The following NOL10 variants were observed in gnomAD, a reference collection of about 807,000 sequenced individuals.
The protein encoded by NOL10 is H_NH0074G24.1.
Under a neutral mutation model 103.5 loss-of-function variants are expected in NOL10, and 58 were observed. That is an observed-to-expected ratio of 0.56 (90% confidence interval 0.45 to 0.70). NOL10 has a LOEUF of 0.70. Among genes scored for constraint, NOL10 ranks in the 30% least tolerant of loss-of-function variants. NOL10 has a pLI of 0.00. For missense variants in NOL10, 763 were observed against 807.3 expected (o/e 0.95, Z 0.67); for synonymous variants, 287 against 282.5 (o/e 1.02, Z -0.16).
At chr2:10,625,471 T>C (rs1409215726) in intron 13 of NOL10, among the ~76,000 whole-genome samples, 1 of 152,204 alleles carries the variant, frequency 6.6e-6, no homozygotes, top group Non-Finnish European at 1.5e-5. Context: ...TGTACAGACA[T>C]GCAAGAAACA....
intron 17 of NOL10, among the ~76,000 whole-genome samples, chr2:10,591,983 C>G (rs1675414347): frequency 6.8e-6 from 1 of 146,378 alleles, no homozygotes; most frequent in South Asian, 2.1e-4. Context: ...GCCTGCGTAA[C>G]AGAGAGACCT....
At chr2:10,678,141 T>C (rs1365641641) in intron 3 of NOL10, among the ~76,000 whole-genome samples, 2 of 151,766 alleles carry the variant, frequency 1.3e-5, no homozygotes, top group African/African-American at 2.4e-5. Context: ...CTCAAACTGC[T>C]AGGCTCAGGC....
At chr2:10,604,385 A>G (rs191609431) in intron 14 of NOL10, among the ~76,000 whole-genome samples, 1 of 152,376 alleles carries the variant, frequency 6.6e-6, no homozygotes, top group Admixed American at 6.5e-5. Context: ...AAAATAGTAT[A>G]TGTTATAGAA....
In NOL10 at chr2:10,685,495, C is replaced by T. The variant is rs200294556; in HGVS notation, c.67-883G>A. On this transcript the variant is annotated intron_variant, in intron 1 of 20. Coordinates refer to ENST00000381685, the MANE Select transcript of NOL10 (RefSeq NM_024894.4). ...TGACTGAGAGAGACTCCGTCCCCCCCCCCCCCCCCCCCGCCAAAAAAAAAG... is the reference window on the plus strand; with the variant it reads ...TGACTGAGAGAGACTCCGTCCCCCCTCCCCCCCCCCCCGCCAAAAAAAAAG... Among the ~76,000 whole-genome samples, 10 of 18,102 alleles carry T rather than the reference C, an allele frequency of 5.5e-4. 2 individuals are homozygous for T. Among genetic ancestry groups the T allele is most frequent in the Non-Finnish European group, 1.7e-3 (7 of 4,022 alleles). The allele number at this position is 18,102 out of a possible 152,430, so 11.9% of individuals were successfully genotyped here. A position where few individuals can be genotyped will look rare whatever the true frequency, so the allele number is the denominator to read the frequency against.
intron 1 of NOL10, among the ~76,000 whole-genome samples, chr2:10,689,507 G>A (rs544032564): frequency 5.3e-4 from 80 of 152,308 alleles, no homozygotes; most frequent in Middle Eastern, 3.4e-3. Flanking sequence ...CACCCAAAGA[G>A]GCCCAAATGG....
intron 20 of NOL10, among the ~76,000 whole-genome samples, chr2:10,573,694 A>G (rs4668689): frequency 0.24 from 36,920 of 150,694 alleles, 6,318 homozygotes; most frequent in African/African-American, 0.45. Flanking sequence ...TCCCATTCTA[A>G]TAAGTTCTTA....
At chr2:10,598,497 C>CT (rs1286343436) in intron 17 of NOL10, among the ~76,000 whole-genome samples, 2 of 152,144 alleles carry the variant, frequency 1.3e-5, no homozygotes, top group Admixed American at 1.3e-4. Flanking sequence ...GGCTGGCACT[C>CT]TAAGTCTGTA....
At chr2:10,601,694 T>A (rs1387714809) in intron 16 of NOL10, among the ~76,000 whole-genome samples, 1 of 152,138 alleles carries the variant, frequency 6.6e-6, no homozygotes. Context: ...GCGCCTATAG[T>A]CCCTAGCTAC....
intron 17 of NOL10, among the ~76,000 whole-genome samples, chr2:10,593,515 G>A (rs935940224): frequency 6.6e-6 from 1 of 152,140 alleles, no homozygotes; most frequent in South Asian, 2.1e-4. Context: ...ATGGTGGCTT[G>A]AACACTAGTA....
intron 16 of NOL10, among the ~76,000 whole-genome samples, chr2:10,601,540 G>A (rs972001273): frequency 4.0e-5 from 6 of 151,408 alleles, no homozygotes; most frequent in Non-Finnish European, 8.8e-5. Context: ...GAGAGGCAGC[G>A]CAATGGCTCA....
At chr2:10,655,766 C>A (rs1679807680) in intron 11 of NOL10, among the ~76,000 whole-genome samples, 1 of 152,222 alleles carries the variant, frequency 6.6e-6, no homozygotes, top group African/African-American at 2.4e-5. Context: ...CCAGCTCTTG[C>A]ATTTGTAACT....
rs779777175 is a variant in NOL10, at chr2:10,642,256, G to A, written c.1026+2064C>T. 5.9e-5 allele frequency among the ~76,000 whole-genome samples: 9 copies of A among 152,102 alleles called. No homozygotes were observed. The East Asian group carries it at 7.7e-4, about 13-fold the overall frequency. On this transcript the variant is annotated intron_variant, in intron 13 of 20. Coordinates refer to ENST00000381685, the MANE Select transcript of NOL10 (RefSeq NM_024894.4). ...CCACCAGGCAATTCAAGGATGAATC[G>A]TCTGCAAGTACTGCCTACCAGATTA...
chr2:10,629,910 CCT>C (rs1188556836), intron 13 of NOL10, among the ~76,000 whole-genome samples: 41 of 152,270 alleles, frequency 2.7e-4, no homozygotes, highest in East Asian at 9.6e-4. Context: ...CCCTCAGTCC[CCT>C]GAGTAGCTAA....
At chr2:10,668,618 T>C (rs1330623818) in intron 7 of NOL10, 40 bp downstream of exon 7, 3 of 1,097,588 alleles carry the variant, frequency 2.7e-6, no homozygotes, top group Middle Eastern at 4.1e-4. Context: ...CTCCACCTCC[T>C]GGTCAAAATG....
intron 19 of NOL10, among the ~76,000 whole-genome samples, chr2:10,586,186 TAAAA>T (rs1297543254): frequency 2.0e-5 from 3 of 152,248 alleles, no homozygotes; most frequent in African/African-American, 7.2e-5. Flanking sequence ...GACAATGTTC[TAAAA>T]TTAAGGTGAT....
At chr2:10,622,666 C>T (rs1023137745) in intron 13 of NOL10, among the ~76,000 whole-genome samples, 3 of 152,130 alleles carry the variant, frequency 2.0e-5, no homozygotes, top group African/African-American at 7.2e-5. Context: ...AGTGAGCACT[C>T]AAGTCAGTAC....
At chr2:10,587,849 C>T (rs1675195770) in intron 19 of NOL10, among the ~76,000 whole-genome samples, 2 of 152,166 alleles carry the variant, frequency 1.3e-5, no homozygotes, top group Admixed American at 1.3e-4. Context: ...TTTCCTCCTC[C>T]CACTTCGGAG....
chr2:10,678,601 C>T (rs17455388), intron 3 of NOL10, among the ~76,000 whole-genome samples: 29,413 of 152,096 alleles, frequency 0.19, 3,758 homozygotes, highest in Non-Finnish European at 0.29. Flanking sequence ...ATACTTTGCA[C>T]ATCCCCTGAG....
intron 13 of NOL10, among the ~76,000 whole-genome samples, chr2:10,632,768 T>A (rs573403608): frequency 1.3e-5 from 2 of 152,318 alleles, no homozygotes; most frequent in East Asian, 3.9e-4. Context: ...GATTTAACCA[T>A]GGGCCTGGTT....
Sources: allele counts gnomAD v4.1 joint callset (sites outside exome capture counted in the v4.1 genomes callset), GRCh38; gene constraint gnomAD v4.1.1; transcripts MANE v1.5; gene names NCBI Gene and HGNC (gene_info 2026-07-23, HGNC 2026-07-21).